The following AAGAB variants were observed in gnomAD, a reference collection of about 807,000 sequenced individuals.
AAGAB encodes the protein alpha- and gamma-adaptin-binding protein p34.
A neutral mutation model predicts 44.1 loss-of-function variants in AAGAB; 38 were observed. That is an observed-to-expected ratio of 0.86 (90% CI 0.67 to 1.13). AAGAB has a LOEUF of 1.13. AAGAB is among the 50% of genes most tolerant of loss of function. The probability of loss-of-function intolerance (pLI) is 0.00; values close to 1 mark genes in which losing one functional copy is unlikely to be tolerated. For synonymous variants in AAGAB, 131 were observed against 131.8 expected, an observed-to-expected ratio of 0.99 and a Z score of 0.04; for missense variants, 450 against 373.8, an observed-to-expected ratio of 1.20 and a Z score of -1.68.
chr15:67,250,842 C>T (rs1006573639), intron 1 of AAGAB, among the ~76,000 whole-genome samples: 1 of 152,034 alleles, frequency 6.6e-6, no homozygotes, highest in Non-Finnish European at 1.5e-5. Context: ...CTGGCTAACA[C>T]AGTGAAACCC....
At chr15:67,253,083 CGGG>C (rs1964913185) in intron 1 of AAGAB, among the ~76,000 whole-genome samples, 1 of 152,160 alleles carries the variant, frequency 6.6e-6, no homozygotes, top group Non-Finnish European at 1.5e-5. Flanking sequence ...GTGCCAGACT[CGGG>C]GATAAGCACA....
chr15:67,254,878 G>C (rs376484021), upstream of AAGAB: 62 of 1,612,528 alleles, frequency 3.8e-5, no homozygotes, highest in African/African-American at 7.9e-4. Context: ...CGCGGAGGTA[G>C]CCGTTCCCTG....
At chr15:67,211,250 G>A (rs768525288) in intron 5 of AAGAB, among the ~76,000 whole-genome samples, 1 of 152,278 alleles carries the variant, frequency 6.6e-6, no homozygotes, top group East Asian at 1.9e-4. Flanking sequence ...AAACTAAGAG[G>A]CTGCTGCTGC....
intron 7 of AAGAB, among the ~76,000 whole-genome samples, chr15:67,206,235 TATGC>T (rs923487728): frequency 4.6e-5 from 7 of 152,348 alleles, no homozygotes; most frequent in Admixed American, 2.6e-4. Flanking sequence ...AGATTGCAGT[TATGC>T]ATTTTTGGTG....
In AAGAB at chr15:67,203,607, A is replaced by C. The variant is rs1193255651; in HGVS notation, c.821-10T>G. The C allele has an allele frequency of 6.2e-7, 1 of 1,612,714 alleles. No homozygotes were observed. The highest frequency in any genetic ancestry group is 1.7e-5 in the Admixed American group (1 of 59,970). ...AGCGTCGCAGCCTTGTCTAGGGGGA[A>C]AATATATCTTAAGAAATTTGTCTAA... On this transcript the variant is annotated splice_polypyrimidine_tract_variant and intron_variant, in intron 8 of 9. Transcript: ENST00000261880.
chr15:67,254,466 C>A, intron 1 of AAGAB, 93 bp downstream of exon 1: 1 of 1,476,134 alleles, frequency 6.8e-7, no homozygotes, highest in Non-Finnish European at 9.0e-7. Flanking sequence ...GGGCCCGCTG[C>A]GGGGACAAGG....
intron 7 of AAGAB, among the ~76,000 whole-genome samples, chr15:67,205,964 T>A (rs772401152): frequency 3.9e-5 from 6 of 152,178 alleles, no homozygotes; most frequent in Non-Finnish European, 7.3e-5. Flanking sequence ...AGTGTTAACA[T>A]CGTTTATGAC....
chr15:67,251,192 CCTA>C (rs1448482644), intron 1 of AAGAB, among the ~76,000 whole-genome samples: 1 of 151,700 alleles, frequency 6.6e-6, no homozygotes, highest in Non-Finnish European at 1.5e-5. Context: ...ATAGTAGAGG[CCTA>C]CTGATTCTTA....
intron 4 of AAGAB, chr15:67,232,574 A>G: frequency 4.9e-6 from 2 of 411,058 alleles, no homozygotes; most frequent in Non-Finnish European, 9.8e-6. Context: ...TTCGGGAAAA[A>G]GTAGCCAAAA....
At chr15:67,216,225 C>T (rs1165110190) in intron 5 of AAGAB, among the ~76,000 whole-genome samples, 2 of 151,920 alleles carry the variant, frequency 1.3e-5, no homozygotes, top group African/African-American at 4.8e-5. Context: ...AGGAGGATCA[C>T]GAGGCCAAGA....
chr15:67,230,686 C>T (rs1034433237), intron 5 of AAGAB, among the ~76,000 whole-genome samples: 2 of 152,108 alleles, frequency 1.3e-5, no homozygotes, highest in Admixed American at 6.5e-5. Context: ...TACCATAGCC[C>T]TAGGGAACCA....
intron 4 of AAGAB, among the ~76,000 whole-genome samples, chr15:67,235,734 G>A (rs1434608333): frequency 6.6e-6 from 1 of 152,132 alleles, no homozygotes; most frequent in Non-Finnish European, 1.5e-5. Context: ...TTAGAAAGCA[G>A]CCCTATACCT....
chr15:67,254,543 G>A lies in AAGAB; in HGVS notation c.73+16C>T. 6.3e-7 allele frequency: 1 copy of A among 1,599,194 alleles called. No individual in the cohort carries two copies. Among genetic ancestry groups the A allele is most frequent in the Non-Finnish European group, 8.5e-7 (1 of 1,173,808 alleles). ...TCAGGGGCCTTGGAGGTCGGCCCAG[G>A]CGCCTATCTACTCACGTTGGACCAG... On this transcript the variant is annotated intron_variant, in intron 1 of 9. Transcript: ENST00000261880.
At chr15:67,233,338 T>G (rs1272181901) in intron 4 of AAGAB, among the ~76,000 whole-genome samples, 1 of 152,168 alleles carries the variant, frequency 6.6e-6, no homozygotes, top group Non-Finnish European at 1.5e-5. Flanking sequence ...GGAATTTGAC[T>G]GATACTACTC....
chr15:67,215,281 T>A (rs1963917623), intron 5 of AAGAB, among the ~76,000 whole-genome samples: 2 of 152,224 alleles, frequency 1.3e-5, no homozygotes, highest in African/African-American at 4.8e-5. Context: ...TAGTGCTAAG[T>A]ATACAGGAGA....
At chr15:67,231,729 C>T (rs1964339524) in intron 5 of AAGAB, 85 bp downstream of exon 5, 1 of 1,077,008 alleles carries the variant, frequency 9.3e-7, no homozygotes, top group Non-Finnish European at 1.4e-6. Context: ...TTTCATATAG[C>T]ACTAATGGTT....
In AAGAB at chr15:67,246,660, C is replaced by A. The variant is rs571103875; in HGVS notation, c.73+7899G>T. Among the ~76,000 whole-genome samples, 40 of 151,648 alleles carry A rather than the reference C, an allele frequency of 2.6e-4. 1 individual carries two copies. Among genetic ancestry groups the A allele is most frequent in the African/African-American group, 9.2e-4 (38 of 41,364 alleles). On this transcript the variant is annotated intron_variant, in intron 1 of 9. Coordinates refer to ENST00000261880, the MANE Select transcript of AAGAB (RefSeq NM_024666.5). ...CAGCACTCTGTAAAAACACACCAAT[C>A]AGCACTCTGTGTCTAGCTAAAGGAT...
At chr15:67,234,891 T>A (rs1964425740) in intron 4 of AAGAB, among the ~76,000 whole-genome samples, 1 of 152,238 alleles carries the variant, frequency 6.6e-6, no homozygotes, top group Non-Finnish European at 1.5e-5. Context: ...GAGTTTTTAT[T>A]TCAGTTTTGT....
chr15:67,231,713 T>C (rs1029171167), intron 5 of AAGAB, 101 bp downstream of exon 5: 11 of 956,680 alleles, frequency 1.1e-5, no homozygotes, highest in Admixed American at 6.3e-5. Flanking sequence ...GGAACAAATC[T>C]ACAGATTTCA....
Sources: gnomAD v4.1 joint callset for allele counts (sites outside exome capture counted in the v4.1 genomes callset) on GRCh38, gnomAD v4.1.1 for gene constraint, MANE v1.5 for transcripts, NCBI Gene and HGNC (gene_info 2026-07-23, HGNC 2026-07-21) for gene names.